PRKG1: variants seen among roughly 807,000 people sequenced by gnomAD.
PRKG1 encodes cGMP-dependent protein kinase 1.
Under a neutral mutation model 88.1 loss-of-function variants are expected in PRKG1, and 35 were observed. The ratio of observed to expected loss-of-function variants is 0.40; its 90% CI spans 0.30 to 0.53. PRKG1 has a LOEUF of 0.53. PRKG1 is among the 20% of genes least tolerant of loss of function. The pLI, the probability that PRKG1 is intolerant of heterozygous loss-of-function variation, is 0.59. For missense variants in PRKG1, 540 were observed against 839.8 expected (o/e 0.64, Z 4.41); for synonymous variants, 303 against 292.5 (o/e 1.04, Z -0.37).
chr10:51,946,185 C>T (rs1246430119), intron 5 of PRKG1, among the ~76,000 whole-genome samples: 1 of 151,976 alleles, frequency 6.6e-6, no homozygotes, highest in Non-Finnish European at 1.5e-5. Context: ...CTCTAAACTT[C>T]CCTTCTCACT....
At chr10:51,612,945 A>C (rs1838948968) in intron 3 of PRKG1, among the ~76,000 whole-genome samples, 1 of 152,028 alleles carries the variant, frequency 6.6e-6, no homozygotes, top group Admixed American at 6.6e-5. Context: ...ATGTTGAGCC[A>C]TCCTTGCGTA....
At chr10:51,882,410 G>T (rs7069974) in intron 4 of PRKG1, among the ~76,000 whole-genome samples, 114,365 of 152,062 alleles carry the variant, frequency 0.75, 43,511 homozygotes, top group African/African-American at 0.87. Flanking sequence ...TCTCTCCTAC[G>T]CTAGAATTTT....
chr10:51,289,461 C>T (rs908479976), intron 2 of PRKG1, among the ~76,000 whole-genome samples: 6 of 152,168 alleles, frequency 3.9e-5, no homozygotes, highest in African/African-American at 9.6e-5. Context: ...TAACTTCCAA[C>T]GGTCTGTGGC....
intron 1 of PRKG1, among the ~76,000 whole-genome samples, chr10:51,114,437 C>CTGTGTGTGTGTGTGTGTGTGTG (rs58190244): frequency 1.3e-5 from 2 of 150,168 alleles, no homozygotes; most frequent in African/African-American, 4.9e-5. Context: ...ATGAGTGACT[C>CTGTGTGTGTGTGTGTGTGTGTG]TGTGTGTGTG....
chr10:52,086,300 C>A lies in PRKG1; in HGVS notation c.935+23669C>A, dbSNP rs184360624. 1.1e-3 allele frequency among the ~76,000 whole-genome samples: 167 copies of A among 151,848 alleles called. 1 individual carries two copies. Among genetic ancestry groups the A allele is most frequent in the African/African-American group, 3.8e-3 (156 of 41,460 alleles). ...TTTGTAAAAGTGAGTAGATACATGT[C>A]TGTTTTCTAGTTACCTCTTTCTTAC... On this transcript the variant is annotated intron_variant, in intron 7 of 17. Coordinates refer to ENST00000373980, the MANE Select transcript of PRKG1 (RefSeq NM_006258.4).
intron 3 of PRKG1, among the ~76,000 whole-genome samples, chr10:51,539,645 G>A (rs933339680): frequency 2.0e-5 from 3 of 152,226 alleles, no homozygotes; most frequent in South Asian, 2.1e-4. Flanking sequence ...AGGACTTTAT[G>A]CCTTGCTGTA....
At chr10:51,221,583 A>G (rs945443773) in intron 2 of PRKG1, among the ~76,000 whole-genome samples, 1 of 151,350 alleles carries the variant, frequency 6.6e-6, no homozygotes, top group African/African-American at 2.4e-5. Context: ...AGCCACCATG[A>G]TAATTTCAGC....
chr10:51,318,423 A>T (rs1841375142), intron 2 of PRKG1, among the ~76,000 whole-genome samples: 1 of 152,226 alleles, frequency 6.6e-6, no homozygotes, highest in Non-Finnish European at 1.5e-5. Context: ...GTTGACAAGG[A>T]CTCAAATGGT....
intron 1 of PRKG1, among the ~76,000 whole-genome samples, chr10:51,126,380 T>C (rs943154956): frequency 1.4e-5 from 2 of 138,088 alleles, no homozygotes; most frequent in African/African-American, 5.3e-5. Context: ...TTTATAGTAT[T>C]TATATATTTA....
intron 3 of PRKG1, among the ~76,000 whole-genome samples, chr10:51,617,634 G>A (rs1839094828): frequency 6.6e-6 from 1 of 152,162 alleles, no homozygotes; most frequent in Non-Finnish European, 1.5e-5. Context: ...TAGGTTTGTA[G>A]CCTAAGAGCA....
At chr10:52,014,841 C>A (rs1461763921) in intron 5 of PRKG1, among the ~76,000 whole-genome samples, 4 of 152,234 alleles carry the variant, frequency 2.6e-5, no homozygotes, top group African/African-American at 9.6e-5. Context: ...TTCATTAAAT[C>A]TTAAAGCTCC....
chr10:51,103,257 G>A (rs1844731442), intron 1 of PRKG1, among the ~76,000 whole-genome samples: 1 of 152,122 alleles, frequency 6.6e-6, no homozygotes, highest in East Asian at 1.9e-4. Context: ...GAAGGACAAT[G>A]TTTCCAAATT....
intron 1 of PRKG1, among the ~76,000 whole-genome samples, chr10:51,001,541 T>C: frequency 6.6e-6 from 1 of 152,356 alleles, no homozygotes; most frequent in Non-Finnish European, 1.5e-5. Flanking sequence ...TAAATTATAT[T>C]GTTAAAAGGA....
At chr10:51,600,800 T>G (rs910695976) in intron 3 of PRKG1, among the ~76,000 whole-genome samples, 1 of 152,170 alleles carries the variant, frequency 6.6e-6, no homozygotes. Context: ...GCTTTAGATC[T>G]CAATCAAATT....
intron 3 of PRKG1, among the ~76,000 whole-genome samples, chr10:51,771,435 C>T (rs1219241581): frequency 6.6e-6 from 1 of 152,180 alleles, no homozygotes; most frequent in African/African-American, 2.4e-5. Context: ...AGTGAAAGTA[C>T]TGGGATGGAC....
chr10:51,925,577 T>C (rs1842557211), intron 5 of PRKG1, among the ~76,000 whole-genome samples: 1 of 152,168 alleles, frequency 6.6e-6, no homozygotes, highest in South Asian at 2.1e-4. Context: ...CAAGTTAGGC[T>C]CTGGTGAAAT....
chr10:51,170,257 A>G (rs750763960), intron 2 of PRKG1, among the ~76,000 whole-genome samples: 4 of 152,124 alleles, frequency 2.6e-5, no homozygotes, highest in Non-Finnish European at 5.9e-5. Flanking sequence ...TGAGGAAAAT[A>G]CATAACTTAA....
chr10:52,027,117 T>C (rs1845361530), intron 5 of PRKG1, among the ~76,000 whole-genome samples: 1 of 152,228 alleles, frequency 6.6e-6, no homozygotes, highest in East Asian at 1.9e-4. Flanking sequence ...GAACTGCACT[T>C]GAAAAAGAAA....
chr10:51,700,966 A>T (rs1735205289), intron 3 of PRKG1, among the ~76,000 whole-genome samples: 1 of 152,208 alleles, frequency 6.6e-6, no homozygotes, highest in African/African-American at 2.4e-5. Context: ...AATTTAACAT[A>T]CTGGTTGAGG....
Sources: gnomAD v4.1 joint callset for allele counts (sites outside exome capture counted in the v4.1 genomes callset) on GRCh38, gnomAD v4.1.1 for gene constraint, MANE v1.5 for transcripts, NCBI Gene and HGNC (gene_info 2026-07-23, HGNC 2026-07-21) for gene names.